Variants in MYT1L observed in about 807,000 individuals in gnomAD.
MYT1L encodes the protein myelin transcription factor 1 like.
Under a neutral mutation model 126.7 loss-of-function variants are expected in MYT1L, and 12 were observed. That is an observed-to-expected ratio of 0.09 (90% CI 0.06 to 0.15). The LOEUF is 0.15. Among genes scored for constraint, MYT1L ranks in the 10% least tolerant of loss-of-function variants. The pLI, the probability that MYT1L is intolerant of heterozygous loss-of-function variation, is 1.00. For synonymous variants in MYT1L, 541 were observed against 604.2 expected (o/e 0.90, Z 1.53); for missense variants, 979 against 1,585.2 (o/e 0.62, Z 6.49).
rs2051849204 is a variant in MYT1L, at chr2:1,910,744, T to C, written c.1710-397A>G. On this transcript the variant is annotated intron_variant, in intron 12 of 24. Coordinates refer to ENST00000647738, the MANE Select transcript of MYT1L (RefSeq NM_001303052.2). This position sits in a 1 kb window ranked among gnomAD's most constrained non-coding sequence, Gnocchi z 4.8. ...CCCAGAATGGCAATGAATTGACTGT[T>C]ACCAGAAGATGGAGCTCCAAGCTGA... is the stretch of plus-strand genomic sequence containing the variant. Among the ~76,000 whole-genome samples, 2 of 152,132 alleles carry C rather than the reference T, an allele frequency of 1.3e-5. No homozygotes were observed. The highest frequency in any genetic ancestry group is 4.1e-4 in the South Asian group (2 of 4,832).
At chr2:2,277,498 G>A (rs574090808) in intron 2 of MYT1L, among the ~76,000 whole-genome samples, 1 of 152,318 alleles carries the variant, frequency 6.6e-6, no homozygotes, top group South Asian at 2.1e-4. Context: ...AGAACAGAGG[G>A]AACAGTCAAA....
rs2035653994 is a variant in MYT1L at position 1,806,049 on chromosome 2, C to CACA, written c.3172+3026_3172+3027insTGT. ...GCTGTGCCTCTGTCCCCTGAAGAGC[C>CACA]GCAGGAATTGGATGCTGTGCCTCTG... On this transcript the variant is annotated intron_variant, in intron 22 of 24. Transcript: ENST00000647738. The surrounding 1 kb of genome is among the most constrained non-coding windows in gnomAD (Gnocchi z 4.9). Among the ~76,000 whole-genome samples the CACA allele has an allele frequency of 1.4e-5, 2 of 138,858 alleles. No homozygotes were observed. Among genetic ancestry groups the CACA allele is most frequent in the South Asian group, 2.6e-4 (1 of 3,886 alleles). 91.1% of individuals were successfully genotyped at this position (138,858 alleles called of 152,430 possible).
chr2:1,889,531 C>A lies in MYT1L; in HGVS notation c.2284-54G>T, dbSNP rs1022051484. ...CTTGGCCCGGCATCTTGTGACACCA[C>A]GAGTCCTTCCTCCCAGATTACAGTC... On this transcript the variant is annotated intron_variant, in intron 15 of 24. Coordinates refer to ENST00000647738, the MANE Select transcript of MYT1L (RefSeq NM_001303052.2). This position sits in a 1 kb window ranked among gnomAD's most constrained non-coding sequence, Gnocchi z 4.1. 38 of 1,378,912 alleles carry A rather than the reference C, an allele frequency of 2.8e-5. No individual in the cohort carries two copies. Among genetic ancestry groups the A allele is most frequent in the Non-Finnish European group, 3.4e-5 (34 of 1,003,902 alleles). 85.4% of individuals were successfully genotyped at this position (1,378,912 alleles called of 1,614,324 possible).
chr2:2,290,072 A>T (rs1559564630), intron 1 of MYT1L, among the ~76,000 whole-genome samples: 1 of 152,234 alleles, frequency 6.6e-6, no homozygotes, highest in Non-Finnish European at 1.5e-5. Flanking sequence ...TCAGCATCGC[A>T]ACGCTGCCAC....
chr2:2,271,034 CT>C (rs1317837711), intron 2 of MYT1L, among the ~76,000 whole-genome samples: 3 of 152,214 alleles, frequency 2.0e-5, no homozygotes, highest in Admixed American at 6.5e-5. Flanking sequence ...ATGCCGCGGC[CT>C]TGCTGGCTCG....
chr2:2,237,272 C>T (rs1382367406), intron 2 of MYT1L, among the ~76,000 whole-genome samples: 1 of 152,124 alleles, frequency 6.6e-6, no homozygotes, highest in African/African-American at 2.4e-5. Context: ...CAACTACCCA[C>T]AACTAACTGA....
At chr2:2,185,869 G>A (rs2092096485) in intron 2 of MYT1L, among the ~76,000 whole-genome samples, 1 of 120,214 alleles carries the variant, frequency 8.3e-6, no homozygotes. Flanking sequence ...CCAGACGCCC[G>A]CGTTCCTTAC....
At chr2:2,325,733 T>C (rs1421956203) in intron 1 of MYT1L, 1 of 152,302 alleles carries the variant, frequency 6.6e-6, no homozygotes, top group Non-Finnish European at 1.5e-5. Flanking sequence ...TAGCCTTGAA[T>C]ACACAGACTC....
At chr2:1,956,191 G>GTCTGTCTATCTATCTATCTATCTATCTA (rs1553354694) in intron 8 of MYT1L, among the ~76,000 whole-genome samples, 2 of 145,876 alleles carry the variant, frequency 1.4e-5, no homozygotes, top group African/African-American at 2.7e-5. Context: ...TTACCTAGCT[G>GTCTGTCTATCTATCTATCTATCTATCTA]TCTATCTATC....
At chr2:1,859,292 C>T (rs1458109692) in intron 18 of MYT1L, among the ~76,000 whole-genome samples, 1 of 152,128 alleles carries the variant, frequency 6.6e-6, no homozygotes, top group Non-Finnish European at 1.5e-5. Context: ...CAAAAAACAC[C>T]TTTCTTTCTT....
In MYT1L at chr2:2,230,609, G is replaced by A. The variant is rs145853058; in HGVS notation, c.-421+53795C>T. On this transcript the variant is annotated intron_variant, in intron 2 of 24. Coordinates refer to ENST00000647738, the MANE Select transcript of MYT1L (RefSeq NM_001303052.2). ...AGGTGACATGTGACAGTGTCAGCCCGCTCCCTACCCAGACGCCACGCTGTG... is the reference window on the plus strand; with the variant it reads ...AGGTGACATGTGACAGTGTCAGCCCACTCCCTACCCAGACGCCACGCTGTG... 2.0e-5 allele frequency among the ~76,000 whole-genome samples: 3 copies of A among 152,220 alleles called. No individual in the cohort carries two copies. The East Asian group carries it at 5.8e-4, about 30-fold the overall frequency.
intron 5 of MYT1L, among the ~76,000 whole-genome samples, chr2:1,995,649 G>T (rs146912711): frequency 2.6e-5 from 4 of 152,310 alleles, no homozygotes; most frequent in Admixed American, 1.3e-4. Flanking sequence ...GGTTGAGCAT[G>T]AGAGAGGCCC....
intron 2 of MYT1L, among the ~76,000 whole-genome samples, chr2:2,207,615 G>A (rs2093363818): frequency 6.6e-6 from 1 of 152,164 alleles, no homozygotes; most frequent in African/African-American, 2.4e-5. Flanking sequence ...CTGGAACACT[G>A]AAAAATCAAA....
intron 3 of MYT1L, among the ~76,000 whole-genome samples, chr2:2,109,875 T>TTATA (rs58549168): frequency 0.015 from 975 of 63,644 alleles, 40 homozygotes; most frequent in Non-Finnish European, 0.017. Flanking sequence ...AGTGCTGATT[T>TTATA]TATATATATA....
intron 9 of MYT1L, among the ~76,000 whole-genome samples, chr2:1,942,447 T>C (rs2056761993): frequency 6.6e-6 from 1 of 152,186 alleles, no homozygotes; most frequent in Non-Finnish European, 1.5e-5. Flanking sequence ...CTTGTAGCAA[T>C]ACTACTTCCT....
At chr2:1,953,124 A>G (rs970327995) in intron 8 of MYT1L, among the ~76,000 whole-genome samples, 7 of 151,762 alleles carry the variant, frequency 4.6e-5, no homozygotes, top group African/African-American at 1.7e-4. Flanking sequence ...TACCAAGCTC[A>G]GCTAATTTTT....
chr2:1,973,693 A>G (rs2059966742), intron 8 of MYT1L, among the ~76,000 whole-genome samples: 1 of 152,166 alleles, frequency 6.6e-6, no homozygotes, highest in Non-Finnish European at 1.5e-5. Flanking sequence ...GTTTCTTTCA[A>G]TGTATCCCTG....
chr2:2,256,457 T>G, intron 2 of MYT1L, among the ~76,000 whole-genome samples: 1 of 152,212 alleles, frequency 6.6e-6, no homozygotes, highest in East Asian at 1.9e-4. Context: ...CTATGCTGCT[T>G]AGCGCTACAG....
At chr2:2,015,276 G>A (rs1223838444) in intron 4 of MYT1L, among the ~76,000 whole-genome samples, 1 of 152,044 alleles carries the variant, frequency 6.6e-6, no homozygotes, top group East Asian at 1.9e-4. Flanking sequence ...GATAATGATG[G>A]AAAGGAGACA....
Sources: gnomAD v4.1 joint callset for allele counts (sites outside exome capture counted in the v4.1 genomes callset) on GRCh38, gnomAD v4.1.1 for gene constraint, Gnocchi (gnomAD v3.1) non-coding constraint, MANE v1.5 for transcripts, NCBI Gene and HGNC (gene_info 2026-07-23, HGNC 2026-07-21) for gene names.